Variants in SAMMSON observed in about 807,000 individuals in gnomAD.
SAMMSON encodes long intergenic non-protein coding RNA 1212.
intron 4 of SAMMSON, among the ~76,000 whole-genome samples, chr3:70,153,571 A>G (rs1576137088): frequency 6.6e-6 from 1 of 152,148 alleles, no homozygotes; most frequent in East Asian, 1.9e-4. Flanking sequence ...AAAGAATACA[A>G]GTGGGATTTT....
chr3:70,099,224 C>A (rs2067333864), intron 4 of SAMMSON, among the ~76,000 whole-genome samples: 1 of 152,114 alleles, frequency 6.6e-6, no homozygotes, highest in Non-Finnish European at 1.5e-5. Flanking sequence ...TTTCTAAGGT[C>A]TATTACAAAA....
intron 6 of SAMMSON, among the ~76,000 whole-genome samples, chr3:70,262,370 G>C (rs1025358178): frequency 6.6e-6 from 1 of 152,098 alleles, no homozygotes; most frequent in Non-Finnish European, 1.5e-5. Flanking sequence ...GTTTTAATGA[G>C]AAAAATATAA....
intron 6 of SAMMSON, among the ~76,000 whole-genome samples, chr3:70,262,407 T>C (rs1701875191): frequency 6.6e-6 from 1 of 152,152 alleles, no homozygotes; most frequent in African/African-American, 2.4e-5. Flanking sequence ...TCAGTGTTCT[T>C]TAAAAGATGC....
At chr3:70,202,955 A>C (rs1701256233) in intron 4 of SAMMSON, among the ~76,000 whole-genome samples, 1 of 151,914 alleles carries the variant, frequency 6.6e-6, no homozygotes, top group South Asian at 2.1e-4. Flanking sequence ...GCAGTCTTGC[A>C]CTCCCTGATT....
At position 70,086,802 on chromosome 3, in the gene SAMMSON, G is replaced by T. The variant is rs182472255; in HGVS notation, n.507+15237G>T. On this transcript the variant is annotated intron_variant and non_coding_transcript_variant, in intron 4 of 9. Transcript: ENST00000642114. ...AGTTCCAACAGCAGAGTTAACATGC[G>T]TTGAGCATTTTTCCCTTGCAATGTA... is the stretch of plus-strand genomic sequence containing the variant. Among the ~76,000 whole-genome samples, 6 of 152,270 alleles carry T rather than the reference G, an allele frequency of 3.9e-5. No individual in the cohort carries two copies. In the South Asian group the frequency reaches 1.2e-3, roughly 32 times the overall value.
intron 4 of SAMMSON, chr3:70,197,079 G>A (rs374222183): frequency 3.0e-5 from 12 of 398,588 alleles, no homozygotes; most frequent in East Asian, 1.4e-4. Flanking sequence ...ACCGGCGAGA[G>A]GGGCAGCACA....
chr3:70,036,366 C>G (rs1428490033), intron 3 of SAMMSON, among the ~76,000 whole-genome samples: 1 of 152,122 alleles, frequency 6.6e-6, no homozygotes, highest in Non-Finnish European at 1.5e-5. Context: ...TGTATTTTCT[C>G]CTGGTGAACA....
rs187473676 is a variant in SAMMSON, at chr3:70,084,790, A to G, written n.507+13225A>G. The G allele has an allele frequency of 2.0e-5, 3 of 152,372 alleles. No individual in the cohort carries two copies. In the East Asian group the frequency reaches 5.8e-4, roughly 29 times the overall value. 9.4% of individuals were successfully genotyped at this position (152,372 alleles called of 1,614,324 possible). Reference sequence around the variant, plus strand: ...GCACCTACTGTGTTCCAGGCACACTATATGAATTACTTTGTTTAATTTGCA... The same window carrying G: ...GCACCTACTGTGTTCCAGGCACACTGTATGAATTACTTTGTTTAATTTGCA... On this transcript the variant is annotated intron_variant and non_coding_transcript_variant, in intron 4 of 9. Transcript: ENST00000642114.
intron 7 of SAMMSON, among the ~76,000 whole-genome samples, chr3:70,325,481 A>C (rs958527652): frequency 3.9e-5 from 6 of 152,178 alleles, no homozygotes; most frequent in African/African-American, 7.2e-5. Flanking sequence ...CAAAAGAGGA[A>C]ATAATCAACT....
chr3:70,167,682 T>C (rs557207904), intron 4 of SAMMSON, among the ~76,000 whole-genome samples: 7 of 152,032 alleles, frequency 4.6e-5, no homozygotes, highest in Admixed American at 3.9e-4. Context: ...GCTTTCTTGC[T>C]AGCACAAAGA....
chr3:70,069,127 G>A (rs1367566377), intron 3 of SAMMSON: 1 of 151,914 alleles, frequency 6.6e-6, no homozygotes, highest in East Asian at 1.9e-4. Flanking sequence ...CTCCTTGGAG[G>A]GTTAGTTTCA....
intron 8 of SAMMSON, among the ~76,000 whole-genome samples, chr3:70,355,558 CATAG>C (rs1276705017): frequency 6.6e-6 from 1 of 151,828 alleles, no homozygotes; most frequent in Non-Finnish European, 1.5e-5. Flanking sequence ...AAGATGAAGT[CATAG>C]ATACTTTCCA....
chr3:70,384,298 C>G (rs1027332388), intron 9 of SAMMSON, among the ~76,000 whole-genome samples: 6 of 151,600 alleles, frequency 4.0e-5, no homozygotes, highest in Non-Finnish European at 8.8e-5. Context: ...CTGAAGGTGA[C>G]CACTGCACAT....
rs2106739332 is a variant in SAMMSON at position 70,359,868 on chromosome 3, T to G, written n.913+1544T>G. Among the ~76,000 whole-genome samples, 3 of 152,260 alleles carry G rather than the reference T, an allele frequency of 2.0e-5. No homozygotes were observed. In the Middle Eastern group the frequency reaches 0.01, roughly 518 times the overall value. ...TAGCATATACTTTTCTCCATACTTG[T>G]AAGGCTCTCTGGAGTTAGAAGAATG... is the stretch of plus-strand genomic sequence containing the variant. On this transcript the variant is annotated intron_variant and non_coding_transcript_variant, in intron 9 of 9. Coordinates refer to ENST00000642114, the Ensembl canonical transcript of SAMMSON.
Position 70,345,275 on chromosome 3 carries a change from C to T in SAMMSON, n.740-8900C>T, listed in dbSNP as rs970108446. On this transcript the variant is annotated intron_variant and non_coding_transcript_variant, in intron 7 of 9. Transcript: ENST00000642114. ...TGTCAAGTGGTTTCAGAAGTGCTAGCCCATATTCCCATAGGAACTAACTTT... is the reference window on the plus strand; with the variant it reads ...TGTCAAGTGGTTTCAGAAGTGCTAGTCCATATTCCCATAGGAACTAACTTT... Among the ~76,000 whole-genome samples the T allele has an allele frequency of 2.0e-5, 3 of 152,122 alleles. 1 individual carries two copies. The highest frequency in any genetic ancestry group is 2.9e-5 in the Non-Finnish European group (2 of 68,022).
chr3:70,354,408 G>A (rs1470505486), intron 8 of SAMMSON: 1 of 152,202 alleles, frequency 6.6e-6, no homozygotes, highest in Non-Finnish European at 1.5e-5. Context: ...AATACTGACT[G>A]AAGCAATTCA....
chr3:70,117,995 G>A (rs1466963966), intron 4 of SAMMSON, among the ~76,000 whole-genome samples: 1 of 152,096 alleles, frequency 6.6e-6, no homozygotes, highest in Admixed American at 6.6e-5. Flanking sequence ...TCGGCTCACT[G>A]CAACCTCCAC....
chr3:70,318,462 TTG>T (rs35643960), intron 7 of SAMMSON, among the ~76,000 whole-genome samples: 13 of 149,988 alleles, frequency 8.7e-5, no homozygotes, highest in African/African-American at 2.2e-4. Flanking sequence ...AATTAACATT[TTG>T]TGTGTGTGTG....
chr3:70,315,812 A>G (rs909050680), intron 7 of SAMMSON, among the ~76,000 whole-genome samples: 7 of 152,128 alleles, frequency 4.6e-5, no homozygotes, highest in Admixed American at 3.9e-4. Flanking sequence ...GACCCAACCA[A>G]ACGCTCAAAA....
Sources: allele counts gnomAD v4.1 joint callset (sites outside exome capture counted in the v4.1 genomes callset), GRCh38; gene constraint gnomAD v4.1.1; transcripts MANE v1.5; gene names NCBI Gene and HGNC (gene_info 2026-07-23, HGNC 2026-07-21).